XIAP: variants seen among roughly 807,000 people sequenced by gnomAD.
XIAP encodes the protein X-linked inhibitor of apoptosis.
In XIAP, 3 loss-of-function variants were observed where a neutral mutation model predicts 33.1. The ratio of observed to expected loss-of-function variants is 0.09; its 90% CI spans 0.04 to 0.23. XIAP has a LOEUF of 0.23. Ranked by LOEUF, XIAP falls within the 10% of genes least tolerant of loss-of-function variation. XIAP has a pLI of 1.00. For synonymous variants in XIAP, 98 were observed against 121.3 expected, an observed-to-expected ratio of 0.81 and a Z score of 1.26; for missense variants, 264 against 363.0, an observed-to-expected ratio of 0.73 and a Z score of 2.22.
At chrX:123,903,888 G>A (rs750486561) in intron 6 of XIAP, among the ~76,000 whole-genome samples, 1 of 108,636 alleles carries the variant, frequency 9.2e-6, no homozygotes, top group East Asian at 2.9e-4. Context: ...AGGAGCTCAA[G>A]GCTGCAATGA....
Position 123,883,793 on chromosome X carries a change from G to A in XIAP, c.-32-1838G>A, listed in dbSNP as rs764406146. Among the ~76,000 whole-genome samples, 135 of 111,419 alleles carry A rather than the reference G, an allele frequency of 1.2e-3. 1 individual carries two copies. The highest frequency in any genetic ancestry group is 4.3e-3 in the African/African-American group (132 of 30,783). On this transcript the variant is annotated intron_variant, in intron 1 of 6. Transcript: ENST00000371199. The stretch of plus-strand genomic sequence containing the variant: ...TTACAGGTGTGAACCACCATGCCCG[G>A]CTGTTTTTTTTAAGACTAGTCAAGT...
Position 123,879,391 on chromosome X carries a change from A to C in XIAP, c.-32-6240A>C, listed in dbSNP as rs1391436947. 7.2e-5 allele frequency: 7 copies of C among 96,702 alleles called. No individual in the cohort carries two copies. The Admixed American group carries it at 7.7e-4, about 11-fold the overall frequency. 8.0% of individuals were successfully genotyped at this position (96,702 alleles called of 1,213,427 possible). A position where few individuals can be genotyped will look rare whatever the true frequency, so the allele number is the denominator to read the frequency against. ...GAGTGTGGTGGCACAATCTCGGCTC[A>C]CTGCAAGCTCCACCTCCTAGGTTCA... On this transcript the variant is annotated intron_variant, in intron 1 of 6. Coordinates refer to ENST00000371199, the MANE Select transcript of XIAP (RefSeq NM_001167.4).
At position 123,910,256 on chromosome X, in the gene XIAP, C is replaced by T. The variant is rs193028676; in HGVS notation, c.*3075C>T. ...GTTTTTTCCCCTGTCCCTTTGATTA[C>T]GGGCTAAGGTAGGGTAGAGTGGGTG... On this transcript the variant is annotated 3_prime_UTR_variant, in exon 7 of 7. Coordinates refer to ENST00000371199, the MANE Select transcript of XIAP (RefSeq NM_001167.4). 9.5e-5 allele frequency: 31 copies of T among 327,526 alleles called. No homozygotes were observed. Among genetic ancestry groups the T allele is most frequent in the African/African-American group, 4.8e-4 (18 of 37,504 alleles). The allele number at this position is 327,526 out of a possible 1,213,427, so 27.0% of individuals were successfully genotyped here. A position where few individuals can be genotyped will look rare whatever the true frequency, so the allele number is the denominator to read the frequency against.
intron 5 of XIAP, among the ~76,000 whole-genome samples, chrX:123,898,365 G>GT (rs2053479128): frequency 9.0e-6 from 1 of 110,624 alleles, no homozygotes; most frequent in African/African-American, 3.3e-5. Context: ...TGTTTGTTTT[G>GT]TTTTTTTGTT....
chrX:123,873,220 C>T (rs35074710), intron 1 of XIAP, among the ~76,000 whole-genome samples: 41,753 of 108,454 alleles, frequency 0.38, 6,244 homozygotes, highest in African/African-American at 0.49. Context: ...TTACTAGAGA[C>T]GGGGTTTCTT....
At chrX:123,871,520 CT>C (rs773491911) in intron 1 of XIAP, among the ~76,000 whole-genome samples, 126 of 101,872 alleles carry the variant, frequency 1.2e-3, no homozygotes, top group Non-Finnish European at 1.0e-3. Flanking sequence ...CTTTTTCTTT[CT>C]TTTTTTTTTT....
intron 1 of XIAP, among the ~76,000 whole-genome samples, chrX:123,884,108 T>A (rs2053330394): frequency 8.9e-6 from 1 of 112,350 alleles, no homozygotes; most frequent in African/African-American, 3.2e-5. Flanking sequence ...TGCTTTGTGT[T>A]GAACATTACT....
intron 6 of XIAP, among the ~76,000 whole-genome samples, chrX:123,901,879 C>G (rs918187178): frequency 9.0e-6 from 1 of 110,862 alleles, no homozygotes; most frequent in African/African-American, 3.3e-5. Flanking sequence ...GTCGCCCAGG[C>G]TGGAGTGCAA....
chrX:123,903,961 A>T (rs1475498915), intron 6 of XIAP, among the ~76,000 whole-genome samples: 1 of 110,331 alleles, frequency 9.1e-6, no homozygotes, highest in Non-Finnish European at 1.9e-5. Flanking sequence ...TTTAAAAAAT[A>T]ATAATAATAA....
At chrX:123,860,526 T>G in intron 1 of XIAP, 1 of 254,857 alleles carries the variant, frequency 3.9e-6, no homozygotes. Flanking sequence ...ATTGCCTTCC[T>G]AAACCCTGTG....
intron 1 of XIAP, among the ~76,000 whole-genome samples, chrX:123,868,365 A>G (rs1455819724): frequency 9.0e-6 from 1 of 111,193 alleles, no homozygotes; most frequent in Non-Finnish European, 1.9e-5. Flanking sequence ...GTTGATTCCA[A>G]CGATTCAAAA....
In XIAP at chrX:123,907,984, G is replaced by T. The variant is rs28382742; in HGVS notation, c.*803G>T. ...GGGGGGGATTGGGGGAGGGGCCCCA[G>T]AGGGGTTTTATAGGGGCCTTTTCAC... On this transcript the variant is annotated 3_prime_UTR_variant, in exon 7 of 7. Transcript: ENST00000371199. 71,170 of 356,442 alleles carry T rather than the reference G, an allele frequency of 0.2. 5,338 individuals are homozygous for T. The highest frequency in any genetic ancestry group is 0.38 in the South Asian group (14,073 of 37,041). 29.4% of individuals were successfully genotyped at this position (356,442 alleles called of 1,213,427 possible).
chrX:123,889,247 C>T (rs2053382352), intron 3 of XIAP, among the ~76,000 whole-genome samples: 3 of 111,097 alleles, frequency 2.7e-5, no homozygotes, highest in South Asian at 3.8e-4. Flanking sequence ...AGTGCCACCA[C>T]GCCCAGCTAA....
At chrX:123,873,279 G>A (rs933365058) in intron 1 of XIAP, among the ~76,000 whole-genome samples, 4 of 109,175 alleles carry the variant, frequency 3.7e-5, no homozygotes, top group South Asian at 3.9e-4. Context: ...TGATCCTCCC[G>A]CCTCGGCCTC....
At chrX:123,880,905 G>T (rs1287885848) in intron 1 of XIAP, among the ~76,000 whole-genome samples, 1 of 110,140 alleles carries the variant, frequency 9.1e-6, no homozygotes, top group Non-Finnish European at 1.9e-5. Flanking sequence ...CTCTCTTTAC[G>T]CAGTTGACTG....
intron 1 of XIAP, among the ~76,000 whole-genome samples, chrX:123,865,855 A>G (rs1037824298): frequency 4.5e-5 from 5 of 111,180 alleles, no homozygotes; most frequent in African/African-American, 1.6e-4. Context: ...CCTGGGTTCA[A>G]GTAATTCTGG....
intron 1 of XIAP, among the ~76,000 whole-genome samples, chrX:123,867,036 A>AT (rs1556398559): frequency 3.7e-5 from 2 of 53,904 alleles, no homozygotes; most frequent in African/African-American, 1.8e-4. Flanking sequence ...GGTTGTTTTA[A>AT]TCCCCCCCCC....
rs2053066593 is a variant in XIAP at position 123,860,313 on chromosome X, G to C, written c.-33+20G>C. 3.1e-6 allele frequency: 1 copy of C among 327,194 alleles called. No individual in the cohort carries two copies. The highest frequency in any genetic ancestry group is 2.7e-5 in the African/African-American group (1 of 37,687). 27.0% of individuals were successfully genotyped at this position (327,194 alleles called of 1,213,427 possible). A position where few individuals can be genotyped will look rare whatever the true frequency, so the allele number is the denominator to read the frequency against. On this transcript the variant is annotated intron_variant, in intron 1 of 6. Coordinates refer to ENST00000371199, the MANE Select transcript of XIAP (RefSeq NM_001167.4). ...GGCGCGGTGGGTACAGCTTGTGTAG[G>C]CTTTCCCCTCCCCCGCTTTCCCTCC...
intron 1 of XIAP, among the ~76,000 whole-genome samples, chrX:123,865,504 G>T (rs1409112089): frequency 9.2e-6 from 1 of 108,611 alleles, no homozygotes; most frequent in Non-Finnish European, 1.9e-5. Context: ...GAGGCGGGCG[G>T]ATCACGAGGT....
Sources: gnomAD v4.1 joint callset for allele counts (sites outside exome capture counted in the v4.1 genomes callset) on GRCh38, gnomAD v4.1.1 for gene constraint, MANE v1.5 for transcripts, NCBI Gene and HGNC (gene_info 2026-07-23, HGNC 2026-07-21) for gene names.